The following FOXO1 variants were observed in gnomAD, a reference collection of about 807,000 sequenced individuals.
FOXO1 encodes forkhead box O1, also known as forkhead box protein O1.
In FOXO1, 6 loss-of-function variants were observed where a neutral mutation model predicts 44.1. The ratio of observed to expected loss-of-function variants is 0.14; its 90% CI spans 0.07 to 0.27. The LOEUF is 0.27. Among genes scored for constraint, FOXO1 ranks in the 10% least tolerant of loss-of-function variants. FOXO1 has a pLI of 1.00. For synonymous variants in FOXO1, 380 were observed against 362.7 expected (o/e 1.05, Z -0.54); for missense variants, 737 against 888.8 (o/e 0.83, Z 2.17).
At chr13:40,581,936 C>T (rs948755081) in intron 1 of FOXO1, among the ~76,000 whole-genome samples, 1 of 152,106 alleles carries the variant, frequency 6.6e-6, no homozygotes, top group Non-Finnish European at 1.5e-5. Context: ...GGAAAGGTGC[C>T]CTTCAACACA....
chr13:40,640,938 C>A (rs1184622532), intron 1 of FOXO1, among the ~76,000 whole-genome samples: 1 of 152,136 alleles, frequency 6.6e-6, no homozygotes. Context: ...CACCTGCCAC[C>A]ATACCCGGCT....
chr13:40,558,650 T>G lies in FOXO1; in HGVS notation c.*399A>C, dbSNP rs1271900211. 2.5e-6 allele frequency: 1 copy of G among 393,834 alleles called. No homozygotes were observed. Among genetic ancestry groups the G allele is most frequent in the Admixed American group, 4.4e-5 (1 of 22,588 alleles). The allele number at this position is 393,834 out of a possible 1,614,324, so 24.4% of individuals were successfully genotyped here. A position where few individuals can be genotyped will look rare whatever the true frequency, so the allele number is the denominator to read the frequency against. On this transcript the variant is annotated 3_prime_UTR_variant, in exon 3 of 3. Transcript: ENST00000379561. ...TTACAAAAAGAGTATAAACTTTCCT[T>G]GGACCAATTGGATATTTAGAAAAAC...
chr13:40,576,445 G>C (rs777057388), intron 1 of FOXO1, among the ~76,000 whole-genome samples: 40 of 152,306 alleles, frequency 2.6e-4, no homozygotes, highest in South Asian at 1.2e-3. Context: ...AGATATTTCT[G>C]ATTATCCACA....
intron 1 of FOXO1, among the ~76,000 whole-genome samples, chr13:40,602,162 T>C (rs534437766): frequency 3.3e-5 from 5 of 152,328 alleles, no homozygotes; most frequent in South Asian, 2.1e-4. Flanking sequence ...TATGCCTTAA[T>C]TGCAGGAATA....
intron 1 of FOXO1, among the ~76,000 whole-genome samples, chr13:40,643,553 C>T (rs768747625): frequency 5.9e-5 from 9 of 151,986 alleles, no homozygotes; most frequent in Non-Finnish European, 1.2e-4. Context: ...TTCCCCATCC[C>T]ATCAGAAGTT....
At chr13:40,662,953 A>T (rs1878083941) in intron 1 of FOXO1, among the ~76,000 whole-genome samples, 1 of 152,272 alleles carries the variant, frequency 6.6e-6, no homozygotes, top group Non-Finnish European at 1.5e-5. Context: ...TTTTTATGAA[A>T]CTAACCAAAA....
At chr13:40,632,874 T>C (rs1877012493) in intron 1 of FOXO1, among the ~76,000 whole-genome samples, 1 of 138,882 alleles carries the variant, frequency 7.2e-6, no homozygotes, top group African/African-American at 2.7e-5. Context: ...GAATCCGAGC[T>C]GAAGTTGTGC....
chr13:40,618,295 T>G (rs896013633), intron 1 of FOXO1, among the ~76,000 whole-genome samples: 11 of 152,120 alleles, frequency 7.2e-5, no homozygotes, highest in Non-Finnish European at 1.3e-4. Context: ...TTCAAACTCC[T>G]GGACTCAAGA....
intron 1 of FOXO1, among the ~76,000 whole-genome samples, chr13:40,655,873 G>A (rs1405445494): frequency 6.6e-6 from 1 of 152,020 alleles, no homozygotes; most frequent in Non-Finnish European, 1.5e-5. Flanking sequence ...CTGGCTTCCA[G>A]TGATCTACCC....
At chr13:40,599,277 ATC>A (rs1192020224) in intron 1 of FOXO1, among the ~76,000 whole-genome samples, 35 of 151,518 alleles carry the variant, frequency 2.3e-4, no homozygotes, top group Non-Finnish European at 4.9e-4. Context: ...GGAAGAATTT[ATC>A]TACTATACAA....
intron 1 of FOXO1, among the ~76,000 whole-genome samples, chr13:40,651,104 T>C (rs1335349589): frequency 7.2e-6 from 1 of 139,562 alleles, no homozygotes; most frequent in African/African-American, 2.8e-5. Flanking sequence ...TTTTGTTTTT[T>C]GTTTTTGTTT....
At chr13:40,648,926 A>C (rs1877592189) in intron 1 of FOXO1, among the ~76,000 whole-genome samples, 1 of 152,224 alleles carries the variant, frequency 6.6e-6, no homozygotes, top group South Asian at 2.1e-4. Context: ...ACAAGTCATT[A>C]TGCTCTAATC....
At chr13:40,617,233 G>A (rs952912407) in intron 1 of FOXO1, among the ~76,000 whole-genome samples, 2 of 152,146 alleles carry the variant, frequency 1.3e-5, no homozygotes. Context: ...ATCACCTGAG[G>A]TCAGGAGTTC....
intron 1 of FOXO1, among the ~76,000 whole-genome samples, chr13:40,588,800 G>A (rs993403220): frequency 6.8e-6 from 1 of 146,246 alleles, no homozygotes; most frequent in African/African-American, 2.4e-5. Context: ...AAGGACACAA[G>A]TGATTTAAAA....
chr13:40,567,523 G>A (rs1874315737), intron 1 of FOXO1, among the ~76,000 whole-genome samples: 1 of 151,974 alleles, frequency 6.6e-6, no homozygotes, highest in Non-Finnish European at 1.5e-5. Flanking sequence ...CCCCACTGCT[G>A]GCTGAAAAAA....
chr13:40,643,347 GAA>G (rs71727126), intron 1 of FOXO1, among the ~76,000 whole-genome samples: 4 of 91,400 alleles, frequency 4.4e-5, no homozygotes, highest in Admixed American at 1.1e-4. Context: ...GTCTCAAAAA[GAA>G]AAAAAAAAAA....
intron 1 of FOXO1, among the ~76,000 whole-genome samples, chr13:40,602,163 T>C (rs185197717): frequency 1.3e-5 from 2 of 152,218 alleles, no homozygotes; most frequent in African/African-American, 4.8e-5. Flanking sequence ...ATGCCTTAAT[T>C]GCAGGAATAA....
intron 1 of FOXO1, among the ~76,000 whole-genome samples, chr13:40,567,589 G>T (rs995886554): frequency 6.6e-5 from 10 of 152,188 alleles, no homozygotes; most frequent in Non-Finnish European, 1.5e-4. Context: ...ACTTAAGGCT[G>T]AGGTTACTTG....
intron 1 of FOXO1, chr13:40,620,006 G>A: frequency 1.4e-6 from 1 of 740,134 alleles, no homozygotes. Context: ...GGCACTGTTT[G>A]TCATAATTCA....
Sources: gnomAD v4.1 joint callset for allele counts (sites outside exome capture counted in the v4.1 genomes callset) on GRCh38, gnomAD v4.1.1 for gene constraint, MANE v1.5 for transcripts, NCBI Gene and HGNC (gene_info 2026-07-23, HGNC 2026-07-21) for gene names.